The following AKAP13 variants were observed in gnomAD, a reference collection of about 807,000 sequenced individuals.
AKAP13 encodes the protein A-kinase anchoring protein 13, also known as A-kinase anchor protein 13.
AKAP13 carries 80 observed loss-of-function variants against 264.5 expected under a neutral mutation model. That is an observed-to-expected ratio of 0.30 (90% CI 0.25 to 0.36). The LOEUF is 0.36. Ranked by LOEUF, AKAP13 falls within the 10% of genes least tolerant of loss-of-function variation. AKAP13 has a pLI of 1.00. For synonymous variants in AKAP13, 1,380 were observed against 1,250.2 expected (o/e 1.10, Z -2.19); for missense variants, 3,712 against 3,435.2 (o/e 1.08, Z -2.01).
At chr15:85,659,892 CA>C (rs1445815174) in intron 12 of AKAP13, among the ~76,000 whole-genome samples, 1 of 152,134 alleles carries the variant, frequency 6.6e-6, no homozygotes, top group Non-Finnish European at 1.5e-5. Context: ...TAGAACTTTA[CA>C]AATCTCAAAG....
Position 85,623,410 on chromosome 15 carries a change from C to G in AKAP13, c.4162-15964C>G, listed in dbSNP as rs117239174. On this transcript the variant is annotated intron_variant, in intron 8 of 36. Transcript: ENST00000394518. The stretch of plus-strand genomic sequence containing the variant: ...CTTTGGTATTCCACATTTAACAACT[C>G]CAATCCCTCCCATTGACATCCTAAT... 1.6e-3 allele frequency among the ~76,000 whole-genome samples: 248 copies of G among 152,256 alleles called. 6 individuals are homozygous for G. In the East Asian group the frequency reaches 0.037, roughly 23 times the overall value.
intron 5 of AKAP13, among the ~76,000 whole-genome samples, chr15:85,564,119 G>GT: frequency 6.6e-6 from 1 of 152,156 alleles, no homozygotes; most frequent in East Asian, 1.9e-4. Flanking sequence ...ATCTGTTTAA[G>GT]TAGATACTCA....
At chr15:85,593,705 G>A (rs2079682992) in intron 8 of AKAP13, among the ~76,000 whole-genome samples, 1 of 151,950 alleles carries the variant, frequency 6.6e-6, no homozygotes, top group Admixed American at 6.6e-5. Context: ...CATTTTAGAG[G>A]GGATGTGTGT....
chr15:85,473,168 G>C (rs936876324), intron 1 of AKAP13, among the ~76,000 whole-genome samples: 3 of 152,096 alleles, frequency 2.0e-5, no homozygotes, highest in Non-Finnish European at 4.4e-5. Flanking sequence ...AATTAATTTA[G>C]GGAAAAAAGA....
At chr15:85,393,332 G>A (rs1232636338) in intron 1 of AKAP13, among the ~76,000 whole-genome samples, 1 of 152,236 alleles carries the variant, frequency 6.6e-6, no homozygotes, top group Non-Finnish European at 1.5e-5. Context: ...CAAGAGTTGG[G>A]AAGTAGAGTT....
At chr15:85,529,778 A>G (rs568666026) in intron 3 of AKAP13, among the ~76,000 whole-genome samples, 44 of 152,312 alleles carry the variant, frequency 2.9e-4, no homozygotes, top group Admixed American at 7.2e-4. Flanking sequence ...AACGCTTCCA[A>G]TGTACTCTTA....
chr15:85,731,664 A>G (rs1045931846), intron 30 of AKAP13, among the ~76,000 whole-genome samples: 13 of 152,192 alleles, frequency 8.5e-5, no homozygotes, highest in Non-Finnish European at 1.9e-4. Flanking sequence ...TTTGTGACAT[A>G]TAAGAAAAGA....
rs1684888554 is a variant in AKAP13 at position 85,708,389 on chromosome 15, C to T, written c.5532+303C>T. 6.6e-6 allele frequency among the ~76,000 whole-genome samples: 1 copy of T among 152,094 alleles called. No homozygotes were observed. Among genetic ancestry groups the T allele is most frequent in the South Asian group, 2.1e-4 (1 of 4,820 alleles). ...GCTCTTAAAGTGGTTTTCTTCTTAA[C>T]TACGTCTGCAGGCCTACCCTGCTGT... On this transcript the variant is annotated intron_variant, in intron 18 of 36. Coordinates refer to ENST00000394518, the MANE Select transcript of AKAP13 (RefSeq NM_007200.5). This position sits in a 1 kb window ranked among gnomAD's most constrained non-coding sequence, Gnocchi z 4.3.
chr15:85,495,171 T>C (rs369135867), intron 2 of AKAP13, among the ~76,000 whole-genome samples: 5 of 152,222 alleles, frequency 3.3e-5, no homozygotes, highest in South Asian at 4.1e-4. Context: ...ACATTAGCTC[T>C]GGATCAGTGA....
chr15:85,678,511 T>C (rs1430277933), intron 14 of AKAP13, among the ~76,000 whole-genome samples: 5 of 152,226 alleles, frequency 3.3e-5, no homozygotes, highest in Non-Finnish European at 7.3e-5. Context: ...AGGAAGGTTG[T>C]GAAAATCCAC....
At chr15:85,657,394 C>T (rs2083148717) in intron 11 of AKAP13, among the ~76,000 whole-genome samples, 1 of 152,170 alleles carries the variant, frequency 6.6e-6, no homozygotes, top group Non-Finnish European at 1.5e-5. Flanking sequence ...CTTACACTTT[C>T]CTAATTTGCT....
At chr15:85,418,884 T>C (rs921230362) in intron 1 of AKAP13, among the ~76,000 whole-genome samples, 19 of 152,208 alleles carry the variant, frequency 1.2e-4, no homozygotes, top group African/African-American at 2.9e-4. Context: ...AAGGAGACAG[T>C]TGAAATATTG....
At chr15:85,526,583 C>T (rs1370165647) in intron 3 of AKAP13, among the ~76,000 whole-genome samples, 1 of 152,108 alleles carries the variant, frequency 6.6e-6, no homozygotes, top group African/African-American at 2.4e-5. Context: ...TTTCATTTCT[C>T]GTCAACCAAG....
At chr15:85,705,349 G>C (rs2086170226) in intron 17 of AKAP13, among the ~76,000 whole-genome samples, 1 of 152,116 alleles carries the variant, frequency 6.6e-6, no homozygotes, top group Non-Finnish European at 1.5e-5. Context: ...TAGTGTTCTT[G>C]GTCACTTTTG....
rs1413753309 is a variant in AKAP13, at chr15:85,533,853, G to A, written c.451G>A (p.Val151Ile). ...RHLKLPTEWN[V>I]LGTDQSLHDA... The stretch of plus-strand genomic sequence containing the variant: ...CCTGAAGCTGCCCACGGAGTGGAAT[G>A]TATTGGGGACAGATCAGAGTTTGCA... Residue 151 changes from valine to isoleucine, a missense_variant, in exon 4 of 37, where the codon GTA becomes ATA. Val to Ile is a conservative substitution (Grantham distance 29). Coordinates refer to ENST00000394518, the MANE Select transcript of AKAP13 (RefSeq NM_007200.5). 1 of 1,611,318 alleles carries A rather than the reference G, an allele frequency of 6.2e-7. No individual in the cohort carries two copies. The highest frequency in any genetic ancestry group is 1.1e-5 in the South Asian group (1 of 90,720).
chr15:85,388,441 T>C (rs1041240049), intron 1 of AKAP13, among the ~76,000 whole-genome samples: 15 of 152,084 alleles, frequency 9.9e-5, no homozygotes, highest in African/African-American at 3.4e-4. Context: ...TTTCCTGATG[T>C]TAGAGGGGAA....
intron 1 of AKAP13, among the ~76,000 whole-genome samples, chr15:85,472,497 CTT>C (rs749730348): frequency 5.3e-5 from 8 of 152,284 alleles, no homozygotes; most frequent in Admixed American, 2.0e-4. Context: ...TTTCTGAACT[CTT>C]TTTGACATTT....
chr15:85,681,420 T>G (rs1389420599), intron 14 of AKAP13, among the ~76,000 whole-genome samples: 1 of 152,190 alleles, frequency 6.6e-6, no homozygotes, highest in Non-Finnish European at 1.5e-5. Flanking sequence ...ATAATATTCC[T>G]TCTATTTTTT....
rs572051277 is a variant in AKAP13, at chr15:85,441,812, C to T, written c.-11-43898C>T. On this transcript the variant is annotated intron_variant, in intron 1 of 36. Coordinates refer to ENST00000394518, the MANE Select transcript of AKAP13 (RefSeq NM_007200.5). The stretch of plus-strand genomic sequence containing the variant: ...TGTATTACTGCAGTAAATAGTCTTA[C>T]ATATGCTGTGAACACACGCCTTCAT... 1.1e-4 allele frequency among the ~76,000 whole-genome samples: 17 copies of T among 152,070 alleles called. No homozygotes were observed. The South Asian group carries it at 3.5e-3, about 31-fold the overall frequency.
Sources: allele counts gnomAD v4.1 joint callset (sites outside exome capture counted in the v4.1 genomes callset), GRCh38; gene constraint gnomAD v4.1.1; non-coding constraint Gnocchi (gnomAD v3.1); transcripts MANE v1.5; gene names NCBI Gene and HGNC (gene_info 2026-07-23, HGNC 2026-07-21).